The following MAN1A1 variants were observed in gnomAD, a reference collection of about 807,000 sequenced individuals.
MAN1A1 encodes the protein mannosidase alpha class 1A member 1.
In MAN1A1, 29 loss-of-function variants were observed where a neutral mutation model predicts 70.8. That is an observed-to-expected ratio of 0.41 (90% CI 0.31 to 0.56). The LOEUF is 0.56. Ranked by LOEUF, MAN1A1 falls within the 20% of genes least tolerant of loss-of-function variation. The pLI, the probability that MAN1A1 is intolerant of heterozygous loss-of-function variation, is 0.29. For missense variants in MAN1A1, 747 were observed against 841.3 expected, an observed-to-expected ratio of 0.89 and a Z score of 1.39; for synonymous variants, 349 against 330.1, an observed-to-expected ratio of 1.06 and a Z score of -0.62.
intron 3 of MAN1A1, among the ~76,000 whole-genome samples, chr6:119,302,979 A>G (rs1298921559): frequency 4.6e-5 from 7 of 151,990 alleles, no homozygotes; most frequent in Non-Finnish European, 8.8e-5. Flanking sequence ...AACACCTTCT[A>G]TCTTGTATTA....
chr6:119,227,981 A>G (rs1774566343), intron 6 of MAN1A1, among the ~76,000 whole-genome samples: 1 of 152,244 alleles, frequency 6.6e-6, no homozygotes, highest in South Asian at 2.1e-4. Context: ...TGCTCTGTTC[A>G]TTGAAATGCT....
At chr6:119,277,968 AAT>A in intron 5 of MAN1A1, among the ~76,000 whole-genome samples, 10 of 146,090 alleles carry the variant, frequency 6.8e-5, no homozygotes, top group South Asian at 4.3e-4. Context: ...AGTAAAAATA[AAT>A]AAATAAATAA....
At chr6:119,236,707 CAAAAAAAA>C (rs34748730) in intron 6 of MAN1A1, among the ~76,000 whole-genome samples, 1 of 96,592 alleles carries the variant, frequency 1.0e-5, no homozygotes, top group Non-Finnish European at 2.2e-5. Flanking sequence ...GACTTTGTCT[CAAAAAAAA>C]AAAAAAAAAA....
intron 11 of MAN1A1, among the ~76,000 whole-genome samples, chr6:119,182,580 G>C (rs1230555631): frequency 6.6e-6 from 1 of 150,724 alleles, no homozygotes. Flanking sequence ...CTAGTTACCA[G>C]GCATATTCAT....
intron 2 of MAN1A1, among the ~76,000 whole-genome samples, chr6:119,328,514 G>GT (rs1273629313): frequency 6.6e-6 from 1 of 151,686 alleles, no homozygotes; most frequent in Non-Finnish European, 1.5e-5. Flanking sequence ...TAAGAAAGTA[G>GT]TAAGTAGGTT....
At chr6:119,231,354 T>C (rs1370363110) in intron 6 of MAN1A1, among the ~76,000 whole-genome samples, 1 of 152,178 alleles carries the variant, frequency 6.6e-6, no homozygotes, top group African/African-American at 2.4e-5. Flanking sequence ...GCATTTCCTC[T>C]GCTGCCACTC....
intron 4 of MAN1A1, among the ~76,000 whole-genome samples, chr6:119,300,586 A>G (rs1772365652): frequency 6.6e-6 from 1 of 152,112 alleles, no homozygotes; most frequent in African/African-American, 2.4e-5. Flanking sequence ...CAAGCCTCCA[A>G]AATGAAACCG....
intron 5 of MAN1A1, among the ~76,000 whole-genome samples, chr6:119,283,534 A>G (rs1476790670): frequency 6.6e-6 from 1 of 152,034 alleles, no homozygotes. Context: ...TCGTATGCAG[A>G]GAATGCAGAA....
chr6:119,255,496 G>C (rs892745412), intron 5 of MAN1A1, among the ~76,000 whole-genome samples: 1 of 152,138 alleles, frequency 6.6e-6, no homozygotes, highest in Non-Finnish European at 1.5e-5. Flanking sequence ...TACTTATTAA[G>C]CTATTCTGGC....
intron 6 of MAN1A1, among the ~76,000 whole-genome samples, chr6:119,220,899 T>C (rs1302788820): frequency 6.6e-6 from 1 of 152,146 alleles, no homozygotes; most frequent in Admixed American, 6.5e-5. Context: ...CAACACGGCA[T>C]TAAAAAAACC....
chr6:119,272,714 G>A (rs1479577571), intron 5 of MAN1A1, among the ~76,000 whole-genome samples: 3 of 152,056 alleles, frequency 2.0e-5, no homozygotes, highest in East Asian at 3.9e-4. Context: ...ATACTATTTT[G>A]TACCACACTT....
chr6:119,345,842 C>T (rs1015834631), intron 2 of MAN1A1, among the ~76,000 whole-genome samples: 65 of 152,318 alleles, frequency 4.3e-4, no homozygotes, highest in African/African-American at 1.5e-3. Context: ...GGCATGGTGG[C>T]TCATACCTGT....
At chr6:119,273,547 A>T (rs1205863857) in intron 5 of MAN1A1, among the ~76,000 whole-genome samples, 1 of 152,208 alleles carries the variant, frequency 6.6e-6, no homozygotes, top group Non-Finnish European at 1.5e-5. Context: ...TACTAAATAT[A>T]TAAAATATTT....
intron 1 of MAN1A1, 36 bp from the exon 2 acceptor site, chr6:119,349,323 G>A (rs954555458): frequency 2.6e-6 from 3 of 1,170,650 alleles, no homozygotes; most frequent in Admixed American, 4.6e-5. Flanking sequence ...TAGTAATTAC[G>A]GCGATGATAA....
chr6:119,225,297 G>A (rs1774477777), intron 6 of MAN1A1, among the ~76,000 whole-genome samples: 1 of 152,150 alleles, frequency 6.6e-6, no homozygotes, highest in Non-Finnish European at 1.5e-5. Context: ...AGCTACTTGG[G>A]AGGTTGAGGT....
At chr6:119,263,850 T>C (rs1369356530) in intron 5 of MAN1A1, among the ~76,000 whole-genome samples, 3 of 152,192 alleles carry the variant, frequency 2.0e-5, no homozygotes, top group Admixed American at 6.5e-5. Flanking sequence ...ACAAGAGTTT[T>C]CCCAAATATA....
chr6:119,318,547 T>C lies in MAN1A1; in HGVS notation c.604-11555A>G, dbSNP rs117956927. 7.4e-4 allele frequency among the ~76,000 whole-genome samples: 112 copies of C among 152,310 alleles called. 1 individual carries two copies. The East Asian group carries it at 0.02, about 28-fold the overall frequency. ...TATCTTTGTATGTTTCTGTTACTTATCTCATTATTCTGGAAAAATTTACAT... is the reference window on the plus strand; with the variant it reads ...TATCTTTGTATGTTTCTGTTACTTACCTCATTATTCTGGAAAAATTTACAT... On this transcript the variant is annotated intron_variant, in intron 2 of 12. Transcript: ENST00000368468.
chr6:119,301,511 G>A (rs1489445489), intron 4 of MAN1A1, among the ~76,000 whole-genome samples: 1 of 152,084 alleles, frequency 6.6e-6, no homozygotes, highest in Non-Finnish European at 1.5e-5. Flanking sequence ...CACAAAATTT[G>A]AATCTTTCTT....
At chr6:119,238,912 A>G (rs781025243) in intron 6 of MAN1A1, among the ~76,000 whole-genome samples, 6 of 151,672 alleles carry the variant, frequency 4.0e-5, no homozygotes, top group Non-Finnish European at 8.8e-5. Flanking sequence ...TATTTTTGAG[A>G]CGGAGTGTTG....
Sources: allele counts gnomAD v4.1 joint callset (sites outside exome capture counted in the v4.1 genomes callset), GRCh38; gene constraint gnomAD v4.1.1; transcripts MANE v1.5; gene names NCBI Gene and HGNC (gene_info 2026-07-23, HGNC 2026-07-21).